Variants in MAD1L1 observed in about 807,000 individuals in gnomAD.
The protein encoded by MAD1L1 is mitotic arrest deficient 1 like 1.
In MAD1L1, 95 loss-of-function variants were observed where a neutral mutation model predicts 96.9. The ratio of observed to expected loss-of-function variants is 0.98; its 90% confidence interval spans 0.83 to 1.16. The LOEUF (loss-of-function observed/expected upper bound fraction) is 1.16, where lower values mean the gene tolerates loss of function less well. Ranked by LOEUF, MAD1L1 falls within the 50% of genes most tolerant of loss-of-function variation. MAD1L1 has a pLI of 0.00. For missense variants in MAD1L1, 1,007 were observed against 954.4 expected (o/e 1.06, Z -0.73); for synonymous variants, 473 against 396.6 (o/e 1.19, Z -2.29).
intron 10 of MAD1L1, among the ~76,000 whole-genome samples, chr7:2,186,838 C>T (rs902091306): frequency 1.3e-5 from 2 of 151,292 alleles, no homozygotes; most frequent in East Asian, 2.0e-4. Context: ...CTGTCCCCCA[C>T]GCTGGAGTGC....
chr7:2,126,857 C>T (rs955311931), intron 11 of MAD1L1, among the ~76,000 whole-genome samples: 3 of 152,208 alleles, frequency 2.0e-5, no homozygotes, highest in African/African-American at 7.2e-5. Flanking sequence ...AAACCACAGA[C>T]CTCAGAATGA....
At position 1,936,768 on chromosome 7, in the gene MAD1L1, G is replaced by A. The variant is rs771673407; in HGVS notation, c.1726C>T (p.Arg576Cys). The change falls in exon 17 of 19, where the codon CGC (arginine) becomes TGC (cysteine). Residue 576 changes from arginine (R) to cysteine (C), a missense_variant. Coordinates refer to ENST00000265854, the MANE Select transcript of MAD1L1 (RefSeq NM_001013836.2). ...ACGGTGCCTCCTCTCTCCATGGCGC[G>A]CAGGAGCCCGCGCAGTCGCTCGCAC... ...AECERLRGLL[R>C]AMERGGTVPA... is the part of the protein sequence containing the mutation. The A allele has an allele frequency of 6.1e-5, 96 of 1,572,722 alleles. No individual in the cohort carries two copies. The highest frequency in any genetic ancestry group is 2.8e-4 in the East Asian group (12 of 42,626).
intron 14 of MAD1L1, among the ~76,000 whole-genome samples, chr7:1,985,232 G>T (rs577885505): frequency 6.6e-6 from 1 of 152,334 alleles, no homozygotes; most frequent in South Asian, 2.1e-4. Flanking sequence ...CCTTGAGGCC[G>T]GAATGAAATG....
intron 12 of MAD1L1, among the ~76,000 whole-genome samples, chr7:2,040,391 T>C (rs1164092081): frequency 6.6e-6 from 1 of 152,222 alleles, no homozygotes; most frequent in East Asian, 1.9e-4. Context: ...GTTCCTTTTA[T>C]TCCATCGTAT....
chr7:2,038,439 C>A (rs1783534274), intron 12 of MAD1L1, among the ~76,000 whole-genome samples: 1 of 150,910 alleles, frequency 6.6e-6, no homozygotes, highest in Non-Finnish European at 1.5e-5. Context: ...GAAGTCGATC[C>A]CTGCCTTCAA....
At chr7:2,076,955 G>A (rs1036135989) in intron 11 of MAD1L1, among the ~76,000 whole-genome samples, 6 of 142,016 alleles carry the variant, frequency 4.2e-5, no homozygotes, top group African/African-American at 1.6e-4. Flanking sequence ...CAGTGAGCCC[G>A]CGGCACGGTG....
At chr7:2,223,943 G>A (rs1264800003) in intron 4 of MAD1L1, among the ~76,000 whole-genome samples, 1 of 152,180 alleles carries the variant, frequency 6.6e-6, no homozygotes, top group Non-Finnish European at 1.5e-5. Flanking sequence ...CTGCGGGCAA[G>A]GAAGGACAGT....
chr7:2,047,817 G>A (rs971962782), intron 12 of MAD1L1, among the ~76,000 whole-genome samples: 1 of 151,972 alleles, frequency 6.6e-6, no homozygotes, highest in Non-Finnish European at 1.5e-5. Context: ...ACTCACATAT[G>A]CAGAGAGCTG....
intron 17 of MAD1L1, among the ~76,000 whole-genome samples, chr7:1,914,878 C>A (rs1335908309): frequency 6.6e-6 from 1 of 152,216 alleles, no homozygotes; most frequent in Non-Finnish European, 1.5e-5. Flanking sequence ...CCTCCCAAAG[C>A]GTTGGGATGA....
chr7:2,181,260 TC>T (rs1483701950), intron 10 of MAD1L1, among the ~76,000 whole-genome samples: 1 of 152,278 alleles, frequency 6.6e-6, no homozygotes, highest in African/African-American at 2.4e-5. Context: ...GGAATCAGAT[TC>T]TCTGCCCTTG....
At chr7:2,051,700 A>G (rs1039523890) in intron 12 of MAD1L1, among the ~76,000 whole-genome samples, 1 of 27,246 alleles carries the variant, frequency 3.7e-5, no homozygotes, top group African/African-American at 1.5e-4. Context: ...TACCTCCCCC[A>G]ACCCCCCACC....
At chr7:2,029,685 C>T (rs1428745685) in intron 12 of MAD1L1, among the ~76,000 whole-genome samples, 2 of 152,118 alleles carry the variant, frequency 1.3e-5, no homozygotes, top group Non-Finnish European at 2.9e-5. Context: ...GAGCCCAACT[C>T]GGACTCCAGA....
intron 16 of MAD1L1, among the ~76,000 whole-genome samples, chr7:1,944,363 T>C (rs1181188307): frequency 6.6e-6 from 1 of 152,152 alleles, no homozygotes; most frequent in East Asian, 1.9e-4. Context: ...GTACGTGGAA[T>C]GTGCGTCGCA....
In MAD1L1 at chr7:2,146,027, C is replaced by T. The variant is rs1260826440; in HGVS notation, c.1073+3125G>A. On this transcript the variant is annotated intron_variant, in intron 11 of 18. Transcript: ENST00000265854. The surrounding 1 kb of genome is among the most constrained non-coding windows in gnomAD (Gnocchi z 6.2). ...AGCAGAGAAGGAAAGTTACACAACA[C>T]CCAGGAAGTGCATCAAGACTGCGTG... Among the ~76,000 whole-genome samples the T allele has an allele frequency of 6.6e-6, 1 of 152,226 alleles. No individual in the cohort carries two copies. Among genetic ancestry groups the T allele is most frequent in the Non-Finnish European group, 1.5e-5 (1 of 68,042 alleles).
chr7:2,211,268 G>A (rs904854786), intron 10 of MAD1L1, among the ~76,000 whole-genome samples: 3 of 152,052 alleles, frequency 2.0e-5, no homozygotes, highest in African/African-American at 4.8e-5. Flanking sequence ...AGAACCCCTG[G>A]GGCCAGCATG....
chr7:1,874,456 C>T (rs1583623213), intron 18 of MAD1L1: 1 of 449,912 alleles, frequency 2.2e-6, no homozygotes, highest in South Asian at 1.6e-5. Flanking sequence ...CAGGGTGAGG[C>T]TCTGGTGGAG....
At chr7:2,212,398 C>T (rs1317511134) in intron 10 of MAD1L1, among the ~76,000 whole-genome samples, 2 of 152,180 alleles carry the variant, frequency 1.3e-5, no homozygotes, top group African/African-American at 4.8e-5. Context: ...GGATCTGTGT[C>T]CCTGCCCCAT....
At chr7:2,184,455 T>G (rs1333941224) in intron 10 of MAD1L1, among the ~76,000 whole-genome samples, 1 of 152,012 alleles carries the variant, frequency 6.6e-6, no homozygotes, top group African/African-American at 2.4e-5. Context: ...ACATTCCAGG[T>G]AGGAGCATAA....
intron 10 of MAD1L1, among the ~76,000 whole-genome samples, chr7:2,211,967 G>A (rs1179679408): frequency 6.6e-6 from 1 of 152,242 alleles, no homozygotes; most frequent in Non-Finnish European, 1.5e-5. Context: ...CTCGGCACCA[G>A]CACCTCGGGC....
Sources: gnomAD v4.1 joint callset for allele counts (sites outside exome capture counted in the v4.1 genomes callset) on GRCh38, gnomAD v4.1.1 for gene constraint, Gnocchi (gnomAD v3.1) non-coding constraint, MANE v1.5 for transcripts, NCBI Gene and HGNC (gene_info 2026-07-23, HGNC 2026-07-21) for gene names.